Variants in ACSBG1 observed in about 807,000 individuals in gnomAD.
The protein encoded by ACSBG1 is acyl-CoA synthetase bubblegum family member 1.
A neutral mutation model predicts 80.2 loss-of-function variants in ACSBG1; 39 were observed. That is an observed-to-expected ratio of 0.49 (90% confidence interval 0.38 to 0.64). The LOEUF (loss-of-function observed/expected upper bound fraction) is 0.64, where lower values mean the gene tolerates loss of function less well. Ranked by LOEUF, ACSBG1 falls within the 30% of genes least tolerant of loss-of-function variation. The pLI, the probability that ACSBG1 is intolerant of heterozygous loss-of-function variation, is 0.00. For synonymous variants in ACSBG1, 392 were observed against 379.5 expected, an observed-to-expected ratio of 1.03 and a Z score of -0.38; for missense variants, 828 against 966.4, an observed-to-expected ratio of 0.86 and a Z score of 1.90.
rs758586405 is a variant in ACSBG1, at chr15:78,194,033, G to A, written c.454-13C>T. 6.2e-7 allele frequency: 1 copy of A among 1,613,740 alleles called. No individual in the cohort carries two copies. The highest frequency in any genetic ancestry group is 1.1e-5 in the South Asian group (1 of 91,068). ...GCTTCAGGCCGAGCTCCAGGTCAAA[G>A]GCAGACAGGCCAGGTCAGCCGGGCA... On this transcript the variant is annotated splice_polypyrimidine_tract_variant and intron_variant, in intron 3 of 13. Coordinates refer to ENST00000258873, the MANE Select transcript of ACSBG1 (RefSeq NM_015162.5).
At chr15:78,183,491 C>T (rs544032350) in intron 5 of ACSBG1, among the ~76,000 whole-genome samples, 1 of 152,136 alleles carries the variant, frequency 6.6e-6, no homozygotes, top group Middle Eastern at 3.4e-3. Context: ...GCACGAGACT[C>T]GCTTGAGCCC....
intron 1 of ACSBG1, among the ~76,000 whole-genome samples, chr15:78,227,116 G>A (rs981893963): frequency 1.3e-5 from 2 of 149,702 alleles, no homozygotes; most frequent in Admixed American, 6.7e-5. Context: ...GCTACTTGAA[G>A]GCTGAGCCAC....
intron 2 of ACSBG1, among the ~76,000 whole-genome samples, chr15:78,197,871 C>T (rs1348690627): frequency 6.6e-6 from 1 of 152,072 alleles, no homozygotes; most frequent in Non-Finnish European, 1.5e-5. Flanking sequence ...GCACAGATTC[C>T]TCCTACGCCT....
intron 2 of ACSBG1, among the ~76,000 whole-genome samples, chr15:78,206,783 G>A (rs551504411): frequency 1.3e-5 from 2 of 152,338 alleles, no homozygotes; most frequent in South Asian, 4.1e-4. Flanking sequence ...TTCAGATGAA[G>A]CCATTGAGGC....
chr15:78,182,699 C>A lies in ACSBG1; in HGVS notation c.744+6G>T. On this transcript the variant is annotated splice_donor_region_variant and intron_variant, in intron 6 of 13. Coordinates refer to ENST00000258873, the MANE Select transcript of ACSBG1 (RefSeq NM_015162.5). ...CACCTGGCGCCCAGGGCCCCACTGC[C>A]CATACCGTGTACACATTGGCCATCT... 1 of 1,614,198 alleles carries A rather than the reference C, an allele frequency of 6.2e-7. No individual in the cohort carries two copies.
intron 2 of ACSBG1, among the ~76,000 whole-genome samples, chr15:78,196,233 G>T (rs562085480): frequency 9.9e-5 from 15 of 152,186 alleles, no homozygotes; most frequent in Non-Finnish European, 1.2e-4. Context: ...ACTAGGCCCC[G>T]TCCAATCACT....
Position 78,185,004 on chromosome 15 carries a change from C to CAGAGGGAGAG in ACSBG1, c.664-2229_664-2220dup, listed in dbSNP as rs1366173779. On this transcript the variant is annotated intron_variant, in intron 5 of 13. Coordinates refer to ENST00000258873, the MANE Select transcript of ACSBG1 (RefSeq NM_015162.5). ...ATTTTTGAGCTATGGGAGAGACAGACAGAGGGAGAGAGAGGGAGAGAGAGG... is the reference window on the plus strand; with the variant it reads ...ATTTTTGAGCTATGGGAGAGACAGACAGAGGGAGAGAGAGGGAGAGAGAGGGAGAGAGAGG... 5.6e-5 allele frequency among the ~76,000 whole-genome samples: 8 copies of CAGAGGGAGAG among 141,694 alleles called. No homozygotes were observed. The East Asian group carries it at 6.3e-4, about 11-fold the overall frequency. The allele number at this position is 141,694 out of a possible 152,430, so 93.0% of individuals were successfully genotyped here.
chr15:78,169,262 G>A lies in ACSBG1; in HGVS notation c.*2182C>T, dbSNP rs2074790083. 3.4e-6 allele frequency: 1 copy of A among 295,330 alleles called. No individual in the cohort carries two copies. 18.3% of individuals were successfully genotyped at this position (295,330 alleles called of 1,614,324 possible). The stretch of plus-strand genomic sequence containing the variant: ...AATGTTTTTTTTGTAAACTCTGAGT[G>A]GACTGTATCATTTGCTATTCTAAAC... On this transcript the variant is annotated 3_prime_UTR_variant, in exon 14 of 14. Coordinates refer to ENST00000258873, the MANE Select transcript of ACSBG1 (RefSeq NM_015162.5).
chr15:78,181,733 T>C (rs1043143852), intron 8 of ACSBG1, among the ~76,000 whole-genome samples: 4 of 152,190 alleles, frequency 2.6e-5, no homozygotes, highest in Non-Finnish European at 5.9e-5. Context: ...GACCTCGTGA[T>C]GTGCCTGCCT....
intron 5 of ACSBG1, among the ~76,000 whole-genome samples, chr15:78,188,253 A>G (rs904667159): frequency 3.3e-5 from 5 of 152,008 alleles, no homozygotes; most frequent in Non-Finnish European, 7.4e-5. Flanking sequence ...ATACTGCCCA[A>G]GGTAATTTAC....
intron 2 of ACSBG1, among the ~76,000 whole-genome samples, chr15:78,195,415 C>G (rs1053216043): frequency 1.3e-5 from 2 of 152,062 alleles, no homozygotes; most frequent in African/African-American, 4.8e-5. Context: ...CTCAGGTGTA[C>G]CTGATTCCAC....
chr15:78,185,847 G>A (rs1403675181), intron 5 of ACSBG1, among the ~76,000 whole-genome samples: 1 of 151,426 alleles, frequency 6.6e-6, no homozygotes, highest in East Asian at 1.9e-4. Flanking sequence ...ACATTGAAAT[G>A]AAATATTTAA....
chr15:78,182,308 C>T (rs2074954843), intron 7 of ACSBG1, among the ~76,000 whole-genome samples, 158 bp downstream of exon 7: 1 of 152,132 alleles, frequency 6.6e-6, no homozygotes, highest in Non-Finnish European at 1.5e-5. Flanking sequence ...TTGCTGAGCT[C>T]AGTCTGGGCC....
chr15:78,179,428 C>T, intron 10 of ACSBG1, 122 bp downstream of exon 10: 1 of 894,966 alleles, frequency 1.1e-6, no homozygotes, highest in Non-Finnish European at 1.7e-6. Flanking sequence ...GCCCAGTGGC[C>T]AGGTCTCTGG....
At chr15:78,171,682 CTCCTGGTAT>C in intron 13 of ACSBG1, 153 bp from the exon 14 acceptor site, 1 of 612,700 alleles carries the variant, frequency 1.6e-6, no homozygotes, top group East Asian at 2.9e-5. Flanking sequence ...ACAGTGATCG[CTCCTGGTAT>C]TCATATGGCT....
chr15:78,172,866 C>T lies in ACSBG1; in HGVS notation c.2089+727G>A, dbSNP rs1453810964. Among the ~76,000 whole-genome samples, 1 of 152,198 alleles carries T rather than the reference C, an allele frequency of 6.6e-6. No individual in the cohort carries two copies. On this transcript the variant is annotated intron_variant, in intron 13 of 13. Coordinates refer to ENST00000258873, the MANE Select transcript of ACSBG1 (RefSeq NM_015162.5). The surrounding 1 kb of genome is among the most constrained non-coding windows in gnomAD (Gnocchi z 4.1). ...TTCTGTGGGCAGTGGTCCGGAACAG[C>T]CTTATCCCTTTGTCACACAAGCTGA...
At chr15:78,223,031 GGCCTTAGGACT>G in intron 1 of ACSBG1, among the ~76,000 whole-genome samples, 1 of 152,268 alleles carries the variant, frequency 6.6e-6, no homozygotes, top group South Asian at 2.1e-4. Flanking sequence ...AATCTGGGCT[GGCCTTAGGACT>G]GCCTTCTAAC....
chr15:78,194,104 C>T lies in ACSBG1; in HGVS notation c.454-84G>A, dbSNP rs1365406383. On this transcript the variant is annotated intron_variant, in intron 3 of 13. Coordinates refer to ENST00000258873, the MANE Select transcript of ACSBG1 (RefSeq NM_015162.5). ...CCTCTCAGAGCCCCCACCCAGACTG[C>T]AGGGGACCTGCAGGCTCCACCCTCC... 3 of 1,361,410 alleles carry T rather than the reference C, an allele frequency of 2.2e-6. No individual in the cohort carries two copies. In the South Asian group the frequency reaches 3.6e-5, roughly 16 times the overall value. The allele number at this position is 1,361,410 out of a possible 1,614,324, so 84.3% of individuals were successfully genotyped here.
At chr15:78,179,202 G>T (rs1288870432) in intron 10 of ACSBG1, among the ~76,000 whole-genome samples, 1 of 151,978 alleles carries the variant, frequency 6.6e-6, no homozygotes, top group Non-Finnish European at 1.5e-5. Flanking sequence ...TGGCCCCTGG[G>T]CCATCTGCTC....
Sources: allele counts gnomAD v4.1 joint callset (sites outside exome capture counted in the v4.1 genomes callset), GRCh38; gene constraint gnomAD v4.1.1; non-coding constraint Gnocchi (gnomAD v3.1); transcripts MANE v1.5; gene names NCBI Gene and HGNC (gene_info 2026-07-23, HGNC 2026-07-21).